The following CADM2 variants were observed in gnomAD, a reference collection of about 807,000 sequenced individuals.
The protein encoded by CADM2 is cell adhesion molecule 2.
In CADM2, 12 loss-of-function variants were observed where a neutral mutation model predicts 49.8. The ratio of observed to expected loss-of-function variants is 0.24; its 90% CI spans 0.15 to 0.39. The LOEUF (loss-of-function observed/expected upper bound fraction) is 0.39, where lower values mean the gene tolerates loss of function less well. CADM2 is among the 10% of genes least tolerant of loss of function. CADM2 has a pLI of 1.00. For missense variants in CADM2, 378 were observed against 492.3 expected (o/e 0.77, Z 2.20); for synonymous variants, 214 against 175.4 (o/e 1.22, Z -1.74).
intron 1 of CADM2, among the ~76,000 whole-genome samples, chr3:85,383,573 C>T (rs973630322): frequency 6.9e-6 from 1 of 145,440 alleles, no homozygotes; most frequent in East Asian, 2.0e-4. Context: ...TACCACCATC[C>T]AGTTAAATAA....
At chr3:85,951,150 ACT>A (rs1355084295) in intron 7 of CADM2, among the ~76,000 whole-genome samples, 6 of 151,212 alleles carry the variant, frequency 4.0e-5, no homozygotes, top group African/African-American at 1.4e-4. Flanking sequence ...TACTGAGCAA[ACT>A]CTAACTCATG....
At chr3:85,030,976 A>G (rs2034950303) in intron 1 of CADM2, among the ~76,000 whole-genome samples, 1 of 152,158 alleles carries the variant, frequency 6.6e-6, no homozygotes, top group Non-Finnish European at 1.5e-5. Context: ...AAGGAAAGCA[A>G]AAGGGAGAGT....
intron 1 of CADM2, among the ~76,000 whole-genome samples, chr3:84,976,116 G>T (rs184074897): frequency 1.3e-5 from 2 of 151,824 alleles, no homozygotes; most frequent in Admixed American, 6.6e-5. Context: ...ATGTCTTGGG[G>T]AGTAATTATT....
intron 1 of CADM2, among the ~76,000 whole-genome samples, chr3:85,297,020 C>G (rs1003264322): frequency 6.6e-6 from 1 of 152,032 alleles, no homozygotes; most frequent in Non-Finnish European, 1.5e-5. Context: ...GCTTTATCCC[C>G]TCACAGGATG....
intron 6 of CADM2, among the ~76,000 whole-genome samples, chr3:85,926,845 A>G (rs1420102205): frequency 1.3e-5 from 2 of 152,226 alleles, no homozygotes; most frequent in Non-Finnish European, 2.9e-5. Context: ...GCTGGCTGCT[A>G]ATTTAACCAG....
chr3:85,475,611 A>C (rs184171083), intron 1 of CADM2, among the ~76,000 whole-genome samples: 2 of 152,032 alleles, frequency 1.3e-5, no homozygotes, highest in African/African-American at 4.8e-5. Context: ...ACTATCATTA[A>C]TCTTATATAA....
chr3:85,351,548 A>T (rs374493466), intron 1 of CADM2, among the ~76,000 whole-genome samples: 1 of 152,088 alleles, frequency 6.6e-6, no homozygotes, highest in Non-Finnish European at 1.5e-5. Flanking sequence ...CACCTGCTCA[A>T]TTTGATCTGG....
chr3:85,474,991 C>T (rs997633406), intron 1 of CADM2, among the ~76,000 whole-genome samples: 7 of 151,770 alleles, frequency 4.6e-5, no homozygotes, highest in Admixed American at 1.3e-4. Flanking sequence ...AGTAACACAC[C>T]ACCGGCACAA....
chr3:85,543,640 G>A (rs2061601715), intron 1 of CADM2, among the ~76,000 whole-genome samples: 1 of 152,080 alleles, frequency 6.6e-6, no homozygotes, highest in Admixed American at 6.6e-5. Flanking sequence ...CACAGGCTGG[G>A]TAATTTATAA....
chr3:85,382,532 T>C (rs973327617), intron 1 of CADM2, among the ~76,000 whole-genome samples: 1 of 152,194 alleles, frequency 6.6e-6, no homozygotes, highest in Admixed American at 6.5e-5. Context: ...ATATATAACA[T>C]CTTATTCGCC....
At chr3:85,787,189 C>G (rs751551859) in intron 2 of CADM2, among the ~76,000 whole-genome samples, 25 of 151,954 alleles carry the variant, frequency 1.6e-4, no homozygotes, top group Non-Finnish European at 2.6e-4. Context: ...GTAAAGGACA[C>G]ATTTTTCATC....
chr3:85,795,815 G>A (rs2071587120), intron 2 of CADM2, among the ~76,000 whole-genome samples: 2 of 152,116 alleles, frequency 1.3e-5, no homozygotes, highest in South Asian at 4.1e-4. Context: ...TGACTCATTT[G>A]TTTTCATTGT....
chr3:85,926,778 G>T (rs1719934198), intron 6 of CADM2, among the ~76,000 whole-genome samples: 3 of 152,132 alleles, frequency 2.0e-5, no homozygotes, highest in Admixed American at 2.0e-4. Flanking sequence ...AAAACGATGT[G>T]AGAGAGATAT....
intron 1 of CADM2, among the ~76,000 whole-genome samples, chr3:85,118,473 G>A (rs559298189): frequency 6.6e-6 from 1 of 152,198 alleles, no homozygotes; most frequent in Admixed American, 6.5e-5. Flanking sequence ...AAGGCACGAC[G>A]AACATGGCAG....
intron 1 of CADM2, among the ~76,000 whole-genome samples, chr3:85,307,511 C>A (rs1361623686): frequency 6.6e-6 from 1 of 151,724 alleles, no homozygotes; most frequent in Non-Finnish European, 1.5e-5. Flanking sequence ...AATACAATGA[C>A]AAAAACTCTA....
At chr3:85,344,894 C>G (rs2030412998) in intron 1 of CADM2, among the ~76,000 whole-genome samples, 1 of 151,996 alleles carries the variant, frequency 6.6e-6, no homozygotes, top group African/African-American at 2.4e-5. Flanking sequence ...ACCTAAGAAC[C>G]TGGTAGGGCT....
chr3:85,376,932 C>G (rs922910742), intron 1 of CADM2, among the ~76,000 whole-genome samples: 2 of 152,008 alleles, frequency 1.3e-5, no homozygotes, highest in Non-Finnish European at 2.9e-5. Flanking sequence ...ATATTAATAT[C>G]TACTGAAAAT....
At chr3:85,564,122 A>G (rs2062181092) in intron 1 of CADM2, among the ~76,000 whole-genome samples, 1 of 152,026 alleles carries the variant, frequency 6.6e-6, no homozygotes, top group Non-Finnish European at 1.5e-5. Context: ...TAGTCTTTCA[A>G]AAGTATGAGA....
chr3:85,853,243 A>G (rs1162580191), intron 3 of CADM2, among the ~76,000 whole-genome samples: 2 of 151,950 alleles, frequency 1.3e-5, no homozygotes, highest in East Asian at 3.9e-4. Context: ...TTTCTACATA[A>G]CCATTGTATA....
Sources: allele counts gnomAD v4.1 joint callset (sites outside exome capture counted in the v4.1 genomes callset), GRCh38; gene constraint gnomAD v4.1.1; transcripts MANE v1.5; gene names NCBI Gene and HGNC (gene_info 2026-07-23, HGNC 2026-07-21).